Variants in SETD7 observed in about 807,000 individuals in gnomAD.
SETD7 encodes SET domain containing 7, histone lysine methyltransferase.
In SETD7, 16 loss-of-function variants were observed where a neutral mutation model predicts 41.8. The ratio of observed to expected loss-of-function variants is 0.38; its 90% CI spans 0.26 to 0.58. SETD7 has a LOEUF of 0.58. Among genes scored for constraint, SETD7 ranks in the 20% least tolerant of loss-of-function variants. The pLI is 0.64. For missense variants in SETD7, 346 were observed against 459.7 expected (o/e 0.75, Z 2.26); for synonymous variants, 163 against 169.7 (o/e 0.96, Z 0.31).
rs192147977 is a variant in SETD7, at chr4:139,506,851, T to A, written c.*4812A>T. The A allele has an allele frequency of 1.3e-5, 2 of 152,764 alleles. No individual in the cohort carries two copies. Among genetic ancestry groups the A allele is most frequent in the Admixed American group, 6.5e-5 (1 of 15,304 alleles). The allele number at this position is 152,764 out of a possible 1,614,324, so 9.5% of individuals were successfully genotyped here. On this transcript the variant is annotated 3_prime_UTR_variant, in exon 8 of 8. Transcript: ENST00000274031. Reference sequence around the variant, plus strand: ...CAACTTTGAACAACTGTGTGTAAAGTCACAGACAGAGGAAGCAAGGATTTT... The same window carrying A: ...CAACTTTGAACAACTGTGTGTAAAGACACAGACAGAGGAAGCAAGGATTTT...
chr4:139,522,716 C>T (rs997213196), intron 5 of SETD7, among the ~76,000 whole-genome samples: 3 of 148,880 alleles, frequency 2.0e-5, no homozygotes, highest in Non-Finnish European at 4.4e-5. Flanking sequence ...GGCCAGGACA[C>T]AGCTGGCTGC....
chr4:139,526,370 C>T (rs1355507491), intron 4 of SETD7, among the ~76,000 whole-genome samples: 3 of 151,330 alleles, frequency 2.0e-5, no homozygotes, highest in Admixed American at 6.6e-5. Context: ...CCTGAGCTCA[C>T]GTGATCCTCC....
rs1728250771 is a variant in SETD7 at position 139,555,792 on chromosome 4, G to A, written c.40+306C>T. Among the ~76,000 whole-genome samples, 1 of 152,168 alleles carries A rather than the reference G, an allele frequency of 6.6e-6. No individual in the cohort carries two copies. The highest frequency in any genetic ancestry group is 1.5e-5 in the Non-Finnish European group (1 of 68,004). On this transcript the variant is annotated intron_variant, in intron 1 of 7. Transcript: ENST00000274031. The surrounding 1 kb of genome is among the most constrained non-coding windows in gnomAD (Gnocchi z 4.0). ...CGCCCAAAGGCGGAAAGGCCAGAGC[G>A]CGGGGCAGGTTTCGCAACTCCGAGG...
rs572362683 is a variant in SETD7 at position 139,551,897 on chromosome 4, G to A, written c.40+4201C>T. ...AAAAAACAACAATAATAAAAGGCAA[G>A]CTTATTCTGTTTAATGCAAAGAACA... On this transcript the variant is annotated intron_variant, in intron 1 of 7. Coordinates refer to ENST00000274031, the MANE Select transcript of SETD7 (RefSeq NM_030648.4). Among the ~76,000 whole-genome samples, 3 of 152,146 alleles carry A rather than the reference G, an allele frequency of 2.0e-5. No individual in the cohort carries two copies. The East Asian group carries it at 5.8e-4, about 29-fold the overall frequency.
rs921202748 is a variant in SETD7, at chr4:139,496,281, T to G, written c.*72A>C. The G allele has an allele frequency of 6.4e-6, 4 of 624,544 alleles. No homozygotes were observed. The Admixed American group carries it at 1.0e-4, about 16-fold the overall frequency. The allele number at this position is 624,544 out of a possible 1,614,324, so 38.7% of individuals were successfully genotyped here. A position where few individuals can be genotyped will look rare whatever the true frequency, so the allele number is the denominator to read the frequency against. On this transcript the variant is annotated 3_prime_UTR_variant, in exon 8 of 8. Transcript: ENST00000506866. ...CTCCCAGAGTGCGATTTTGAGTTCT[T>G]GAGGGAAGCCTATGTTCTGACAATT...
At chr4:139,527,721 A>G (rs1006870351) in intron 4 of SETD7, among the ~76,000 whole-genome samples, 2 of 152,204 alleles carry the variant, frequency 1.3e-5, no homozygotes, top group Non-Finnish European at 2.9e-5. Context: ...CATTTGTCAA[A>G]ATTAAGAAAC....
chr4:139,511,780 A>G lies in SETD7; in HGVS notation c.984T>C (p.Asp328=), dbSNP rs1403602520. The G allele has an allele frequency of 1.1e-5, 17 of 1,614,036 alleles. No individual in the cohort carries two copies. The highest frequency in any genetic ancestry group is 1.4e-5 in the Non-Finnish European group (16 of 1,180,026). Reference sequence around the variant, plus strand: ...AGCCATAGGCAACGGTGAGCTCTTCATCGGCCTCCACTGCTCTCAGGGTGC... The same window carrying G: ...AGCCATAGGCAACGGTGAGCTCTTCGTCGGCCTCCACTGCTCTCAGGGTGC... ...CIRTLRAVEA[D]EELTVAYGYD... is the part of the protein sequence containing the mutation. The change falls in exon 8 of 8, where the codon GAT becomes GAC. Residue 328 remains aspartate, a synonymous_variant. Coordinates refer to ENST00000274031, the MANE Select transcript of SETD7 (RefSeq NM_030648.4).
intron 2 of SETD7, among the ~76,000 whole-genome samples, chr4:139,542,732 AAAAAT>A (rs1727815648): frequency 6.6e-6 from 1 of 152,214 alleles, no homozygotes; most frequent in Non-Finnish European, 1.5e-5. Flanking sequence ...TTTGCAATTT[AAAAAT>A]AAAATAAAAT....
intron 1 of SETD7, among the ~76,000 whole-genome samples, chr4:139,551,530 G>T (rs1728110563): frequency 6.6e-6 from 1 of 152,166 alleles, no homozygotes; most frequent in Admixed American, 6.5e-5. Context: ...TCTGATAAGA[G>T]CCAGGCCTAT....
chr4:139,524,357 G>A (rs1342707323), intron 4 of SETD7, among the ~76,000 whole-genome samples: 2 of 152,232 alleles, frequency 1.3e-5, no homozygotes, highest in African/African-American at 4.8e-5. Context: ...TTCAGTTCAG[G>A]GAATTGGTCA....
At chr4:139,549,322 A>G (rs1728045304) in intron 1 of SETD7, among the ~76,000 whole-genome samples, 1 of 152,230 alleles carries the variant, frequency 6.6e-6, no homozygotes, top group Non-Finnish European at 1.5e-5. Flanking sequence ...TGTCCAATAT[A>G]AATTAATTTC....
At chr4:139,496,467 G>C in exon 8 of SETD7, 1 of 702,398 alleles carries the variant, frequency 1.4e-6, no homozygotes, top group Middle Eastern at 2.3e-4. Context: ...GGATCTTTGG[G>C]AGTGGAGCCC....
Position 139,511,561 on chromosome 4 carries a change from A to G in SETD7, c.*102T>C. The G allele has an allele frequency of 1.3e-6, 2 of 1,580,016 alleles. No individual in the cohort carries two copies. The highest frequency in any genetic ancestry group is 2.0e-5 in the Admixed American group (1 of 49,604). ...TGCTAACGCATGGTGAGAGGATGTG[A>G]CGTCACAGCATGAGCAGTCCCTGGT... On this transcript the variant is annotated 3_prime_UTR_variant, in exon 8 of 8. Transcript: ENST00000274031.
At chr4:139,517,292 T>C (rs1215219718) in intron 7 of SETD7, among the ~76,000 whole-genome samples, 2 of 152,142 alleles carry the variant, frequency 1.3e-5, no homozygotes, top group Non-Finnish European at 2.9e-5. Context: ...CTGACTGACA[T>C]GGTGAAAACC....
intron 3 of SETD7, among the ~76,000 whole-genome samples, chr4:139,531,061 G>A (rs1363663293): frequency 6.6e-6 from 1 of 152,098 alleles, no homozygotes; most frequent in African/African-American, 2.4e-5. Flanking sequence ...TGACTGGTGA[G>A]CAGCCAGGGT....
downstream of SETD7, among the ~76,000 whole-genome samples, chr4:139,501,045 C>G (rs1579194879): frequency 6.6e-6 from 1 of 152,178 alleles, no homozygotes; most frequent in South Asian, 2.1e-4. Context: ...CCCTGACTTT[C>G]CCCCACAAAA....
downstream of SETD7, among the ~76,000 whole-genome samples, chr4:139,505,876 C>T (rs868239756): frequency 7.2e-5 from 11 of 152,114 alleles, no homozygotes; most frequent in Non-Finnish European, 1.3e-4. Context: ...TCAAATCCTC[C>T]GCTCTTACTA....
At chr4:139,526,567 A>G (rs1167877492) in intron 4 of SETD7, among the ~76,000 whole-genome samples, 2 of 151,816 alleles carry the variant, frequency 1.3e-5, no homozygotes, top group African/African-American at 2.4e-5. Flanking sequence ...TACAGCTGTG[A>G]GCCACCAGCC....
At chr4:139,500,671 G>A (rs1726551726) in intron 7 of SETD7, among the ~76,000 whole-genome samples, 1 of 152,144 alleles carries the variant, frequency 6.6e-6, no homozygotes, top group Non-Finnish European at 1.5e-5. Flanking sequence ...ACCACGCCCA[G>A]CTAATTTTTG....
Sources: gnomAD v4.1 joint callset for allele counts (sites outside exome capture counted in the v4.1 genomes callset) on GRCh38, gnomAD v4.1.1 for gene constraint, Gnocchi (gnomAD v3.1) non-coding constraint, MANE v1.5 for transcripts, NCBI Gene and HGNC (gene_info 2026-07-23, HGNC 2026-07-21) for gene names.